ESRRG: variants seen among roughly 807,000 people sequenced by gnomAD.
ESRRG encodes estrogen-related receptor gamma.
A neutral mutation model predicts 44.0 loss-of-function variants in ESRRG; 13 were observed. The ratio of observed to expected loss-of-function variants is 0.30; its 90% confidence interval spans 0.19 to 0.47. ESRRG has a LOEUF of 0.47. ESRRG is among the 20% of genes least tolerant of loss of function. The pLI is 1.00. For missense variants in ESRRG, 395 were observed against 580.6 expected, an observed-to-expected ratio of 0.68 and a Z score of 3.29; for synonymous variants, 215 against 214.6, an observed-to-expected ratio of 1.00 and a Z score of -0.02.
At chr1:217,029,939 A>G (rs2081812873) in intron 1 of ESRRG, among the ~76,000 whole-genome samples, 1 of 152,148 alleles carries the variant, frequency 6.6e-6, no homozygotes, top group Non-Finnish European at 1.5e-5. Flanking sequence ...CACAACTAAT[A>G]TTTACTCAGC....
intron 2 of ESRRG, among the ~76,000 whole-genome samples, chr1:216,883,461 G>C (rs1490359991): frequency 6.8e-6 from 1 of 146,548 alleles, no homozygotes. Flanking sequence ...TTAAAATAAA[G>C]AGTTTGAATA....
At chr1:216,541,611 T>TGA (rs1553317641) in intron 5 of ESRRG, among the ~76,000 whole-genome samples, 1,499 of 148,646 alleles carry the variant, frequency 0.01, 21 homozygotes, top group Middle Eastern at 0.017. Context: ...TGTGTGTATG[T>TGA]GATCAGCTAT....
intron 2 of ESRRG, among the ~76,000 whole-genome samples, chr1:216,768,393 A>G (rs947098514): frequency 6.6e-6 from 1 of 152,142 alleles, no homozygotes; most frequent in African/African-American, 2.4e-5. Context: ...ATCTTTATTC[A>G]TTGACTGCAT....
intron 1 of ESRRG, among the ~76,000 whole-genome samples, chr1:216,688,027 C>A (rs1164287495): frequency 2.7e-5 from 4 of 150,308 alleles, no homozygotes; most frequent in Non-Finnish European, 4.4e-5. Flanking sequence ...GGAAAAAAAA[C>A]AAAAGAATAT....
At chr1:216,951,717 ATGTGTGTGTGTGTGTG>A (rs59233267) in intron 1 of ESRRG, among the ~76,000 whole-genome samples, 42 of 143,636 alleles carry the variant, frequency 2.9e-4, no homozygotes, top group African/African-American at 9.9e-4. Flanking sequence ...AACTATCACT[ATGTGTGTGTGTGTGTG>A]TGTGTGTGTG....
chr1:216,902,758 C>T (rs766985366), intron 2 of ESRRG, among the ~76,000 whole-genome samples: 13 of 152,142 alleles, frequency 8.5e-5, no homozygotes, highest in African/African-American at 1.7e-4. Flanking sequence ...ATGGCTGAAA[C>T]GACACTCAGT....
intron 2 of ESRRG, among the ~76,000 whole-genome samples, chr1:216,738,250 C>T (rs2090229029): frequency 6.6e-6 from 1 of 152,064 alleles, no homozygotes; most frequent in Non-Finnish European, 1.5e-5. Context: ...GAGGAAGGGG[C>T]TTAGGGTAAA....
chr1:217,095,424 G>A (rs533640163), intron 1 of ESRRG, among the ~76,000 whole-genome samples: 2 of 152,324 alleles, frequency 1.3e-5, no homozygotes, highest in Admixed American at 6.5e-5. Flanking sequence ...GCTAAGCAAG[G>A]TGGATTAGTG....
intron 2 of ESRRG, among the ~76,000 whole-genome samples, chr1:216,861,107 C>T (rs1453788932): frequency 1.3e-5 from 2 of 151,060 alleles, no homozygotes; most frequent in African/African-American, 2.4e-5. Flanking sequence ...AGCTAATAAG[C>T]CAACCGAGGT....
chr1:217,109,534 C>T (rs7538916), intron 1 of ESRRG, among the ~76,000 whole-genome samples: 4,248 of 152,176 alleles, frequency 0.028, 198 homozygotes, highest in African/African-American at 0.096. Context: ...ATTAAAGGAG[C>T]CCAGGAGATA....
chr1:216,560,199 T>C (rs935259296), intron 5 of ESRRG, among the ~76,000 whole-genome samples: 16 of 152,148 alleles, frequency 1.1e-4, no homozygotes, highest in African/African-American at 3.9e-4. Context: ...CTCCAGTTGA[T>C]AGGAAGAAAA....
intron 1 of ESRRG, among the ~76,000 whole-genome samples, chr1:217,130,639 T>C (rs1043793448): frequency 3.3e-5 from 5 of 152,222 alleles, no homozygotes; most frequent in Admixed American, 6.5e-5. Context: ...TGTAGGAGTT[T>C]TCTCTCTTCT....
At chr1:216,763,864 T>C (rs2092930135) in intron 2 of ESRRG, among the ~76,000 whole-genome samples, 1 of 152,168 alleles carries the variant, frequency 6.6e-6, no homozygotes, top group Non-Finnish European at 1.5e-5. Context: ...TGTAGGTTTG[T>C]GATTATTATC....
chr1:216,764,827 G>A, intron 2 of ESRRG, among the ~76,000 whole-genome samples: 1 of 152,082 alleles, frequency 6.6e-6, no homozygotes, highest in Non-Finnish European at 1.5e-5. Flanking sequence ...AATTGCAGGG[G>A]TAGGGGAACA....
chr1:216,516,668 C>CACACACACACAGAGAGAGAG (rs376701865), intron 6 of ESRRG, among the ~76,000 whole-genome samples: 8 of 137,168 alleles, frequency 5.8e-5, no homozygotes, highest in African/African-American at 2.4e-4. Flanking sequence ...CACACACACA[C>CACACACACACAGAGAGAGAG]AGAGAGAGAG....
At chr1:217,110,758 C>T (rs1278448508) in intron 1 of ESRRG, among the ~76,000 whole-genome samples, 1 of 152,142 alleles carries the variant, frequency 6.6e-6, no homozygotes, top group Admixed American at 6.5e-5. Flanking sequence ...CACATCCCAC[C>T]TCCAGCACTG....
At chr1:216,573,986 C>T (rs2061276872) in intron 3 of ESRRG, among the ~76,000 whole-genome samples, 1 of 151,948 alleles carries the variant, frequency 6.6e-6, no homozygotes, top group Non-Finnish European at 1.5e-5. Context: ...GGTGGCAAAG[C>T]CTGTCTCTGT....
intron 3 of ESRRG, among the ~76,000 whole-genome samples, chr1:216,637,267 G>A (rs539304172): frequency 1.6e-4 from 24 of 152,076 alleles, no homozygotes; most frequent in Non-Finnish European, 2.5e-4. Context: ...CCATCTCTAG[G>A]ATAAAGCAGA....
chr1:216,552,342 C>T (rs2056575382), intron 5 of ESRRG, among the ~76,000 whole-genome samples: 1 of 152,032 alleles, frequency 6.6e-6, no homozygotes, highest in Non-Finnish European at 1.5e-5. Flanking sequence ...ATCAATAATG[C>T]ACAACTGAGC....
Sources: allele counts gnomAD v4.1 joint callset (sites outside exome capture counted in the v4.1 genomes callset), GRCh38; gene constraint gnomAD v4.1.1; transcripts MANE v1.5; gene names NCBI Gene and HGNC (gene_info 2026-07-23, HGNC 2026-07-21).